Variants in GNA12 observed in about 807,000 individuals in gnomAD.
GNA12 encodes the protein G protein subunit alpha 12.
A neutral mutation model predicts 26.0 loss-of-function variants in GNA12; 9 were observed. That is an observed-to-expected ratio of 0.35 (90% CI 0.21 to 0.60). The LOEUF (loss-of-function observed/expected upper bound fraction) is 0.60. Ranked by LOEUF, GNA12 falls within the 20% of genes least tolerant of loss-of-function variation. GNA12 has a pLI of 0.78. For synonymous variants in GNA12, 264 were observed against 219.6 expected (o/e 1.20, Z -1.79); for missense variants, 405 against 525.8 (o/e 0.77, Z 2.25).
At position 2,729,660 on chromosome 7, in the gene GNA12, TC is replaced by T. The variant is rs1789789396; in HGVS notation, c.*1520del. 1 of 152,248 alleles carries T rather than the reference TC, an allele frequency of 6.6e-6. No individual in the cohort carries two copies. Among genetic ancestry groups the T allele is most frequent in the East Asian group, 1.9e-4 (1 of 5,312 alleles). 9.4% of individuals were successfully genotyped at this position (152,248 alleles called of 1,614,324 possible). A position where few individuals can be genotyped will look rare whatever the true frequency, so the allele number is the denominator to read the frequency against. ...GGTGAGCTGCAGAGGGGCTCGGGGC[TC>T]GGGGCAGCACGGCCTCGGGACGAGG... On this transcript the variant is annotated 3_prime_UTR_variant, in exon 4 of 4. Transcript: ENST00000275364.
At chr7:2,837,410 C>G (rs1379461177) in intron 1 of GNA12, among the ~76,000 whole-genome samples, 1 of 152,206 alleles carries the variant, frequency 6.6e-6, no homozygotes, top group African/African-American at 2.4e-5. Context: ...GAGAGAGGGA[C>G]TGAAATAGTC....
intron 1 of GNA12, among the ~76,000 whole-genome samples, chr7:2,811,627 G>C (rs766625173): frequency 2.0e-5 from 3 of 152,214 alleles, no homozygotes; most frequent in Non-Finnish European, 4.4e-5. Context: ...ATTTCGTAAG[G>C]TTGTAAAGAA....
intron 2 of GNA12, among the ~76,000 whole-genome samples, chr7:2,773,648 G>A (rs193229985): frequency 6.6e-6 from 1 of 152,322 alleles, no homozygotes; most frequent in East Asian, 1.9e-4. Context: ...AAGCACTGGT[G>A]ATGAGGTGGA....
intron 1 of GNA12, among the ~76,000 whole-genome samples, chr7:2,796,667 C>T (rs900333401): frequency 2.7e-4 from 41 of 152,206 alleles, no homozygotes; most frequent in African/African-American, 9.4e-4. Flanking sequence ...ACGTCACCAT[C>T]GTTTGTGATG....
chr7:2,758,938 C>A (rs1230146938), intron 2 of GNA12, among the ~76,000 whole-genome samples: 1 of 151,914 alleles, frequency 6.6e-6, no homozygotes, highest in African/African-American at 2.4e-5. Flanking sequence ...GTCAGGAGTT[C>A]GAGACCAGCC....
rs151043310 is a variant in GNA12, at chr7:2,835,635, G to A, written c.309+8218C>T. 133 of 815,760 alleles carry A rather than the reference G, an allele frequency of 1.6e-4. 1 individual carries two copies. The African/African-American group carries it at 2.1e-3, about 13-fold the overall frequency. The allele number at this position is 815,760 out of a possible 1,614,324, so 50.5% of individuals were successfully genotyped here. A position where few individuals can be genotyped will look rare whatever the true frequency, so the allele number is the denominator to read the frequency against. ...CCAGTCCCGAGATGGTGGCCACCAT[G>A]AAGAAGACGGCTGCAGAAGATGTCA... On this transcript the variant is annotated intron_variant, in intron 1 of 3. Coordinates refer to ENST00000275364, the MANE Select transcript of GNA12 (RefSeq NM_007353.3).
At chr7:2,796,054 G>C (rs550163461) in intron 1 of GNA12, among the ~76,000 whole-genome samples, 9 of 151,706 alleles carry the variant, frequency 5.9e-5, no homozygotes, top group African/African-American at 1.9e-4. Flanking sequence ...TAGTAGAGAG[G>C]GGGGTTCCAC....
In GNA12 at chr7:2,731,424, C is replaced by T. The variant is rs1789889026; in HGVS notation, c.903G>A (p.Leu301=). 1.9e-6 allele frequency: 3 copies of T among 1,613,388 alleles called. No individual in the cohort carries two copies. The highest frequency in any genetic ancestry group is 2.2e-5 in the East Asian group (1 of 44,862). Residue 301 remains leucine, a synonymous_variant, in exon 4 of 4, where the codon CTG becomes CTA. Coordinates refer to ENST00000275364, the MANE Select transcript of GNA12 (RefSeq NM_007353.3). The surrounding 1 kb of genome is among the most constrained non-coding windows in gnomAD (Gnocchi z 6.0). ...IILFLNKMDL[L]VEKVKTVSIK... Reference sequence around the variant, plus strand: ...TGCTCACGGTCTTCACCTTCTCCACCAGGAGGTCCATCTTGTTGAGGAAGA... The same window carrying T: ...TGCTCACGGTCTTCACCTTCTCCACTAGGAGGTCCATCTTGTTGAGGAAGA...
At chr7:2,772,307 A>G (rs903856286) in intron 2 of GNA12, among the ~76,000 whole-genome samples, 1 of 152,224 alleles carries the variant, frequency 6.6e-6, no homozygotes, top group African/African-American at 2.4e-5. Flanking sequence ...CACGCCTGTA[A>G]TCCCAGCACT....
At chr7:2,742,472 C>A (rs1306358826) in intron 2 of GNA12, among the ~76,000 whole-genome samples, 1 of 152,164 alleles carries the variant, frequency 6.6e-6, no homozygotes, top group Non-Finnish European at 1.5e-5. Flanking sequence ...CAACAAGAGC[C>A]CTGCTCCTGT....
At chr7:2,788,321 G>A (rs1292760051) in intron 2 of GNA12, among the ~76,000 whole-genome samples, 3 of 152,102 alleles carry the variant, frequency 2.0e-5, no homozygotes, top group Admixed American at 6.5e-5. Flanking sequence ...TGTCGCTGTG[G>A]CCAGGTAACT....
intron 1 of GNA12, among the ~76,000 whole-genome samples, chr7:2,824,624 G>A (rs575764654): frequency 3.1e-4 from 47 of 152,244 alleles, no homozygotes; most frequent in Non-Finnish European, 5.7e-4. Context: ...ATGTATCCCG[G>A]GCACTTGATA....
chr7:2,783,000 G>C (rs1006241188), intron 2 of GNA12, among the ~76,000 whole-genome samples: 2 of 152,108 alleles, frequency 1.3e-5, no homozygotes, highest in Non-Finnish European at 2.9e-5. Context: ...ACTTTAAATA[G>C]TGTCCAGTTT....
At chr7:2,780,048 GTACATATATATATA>G (rs1196856678) in intron 2 of GNA12, among the ~76,000 whole-genome samples, 4,697 of 84,690 alleles carry the variant, frequency 0.055, 201 homozygotes, top group East Asian at 0.067. Context: ...ACATTTCTGT[GTACATATATATATA>G]TATATATATA....
intron 2 of GNA12, among the ~76,000 whole-genome samples, chr7:2,742,817 TC>T (rs1486562318): frequency 2.6e-5 from 4 of 152,260 alleles, no homozygotes; most frequent in Non-Finnish European, 4.4e-5. Flanking sequence ...TTTAAACATT[TC>T]CCATTTTATA....
intron 1 of GNA12, among the ~76,000 whole-genome samples, chr7:2,819,237 T>C (rs1229859581): frequency 6.6e-6 from 1 of 152,168 alleles, no homozygotes; most frequent in Non-Finnish European, 1.5e-5. Context: ...GTCCTACAGC[T>C]GCAAGGACCT....
At chr7:2,740,392 C>T (rs1041364985) in intron 2 of GNA12, among the ~76,000 whole-genome samples, 6 of 152,256 alleles carry the variant, frequency 3.9e-5, no homozygotes, top group South Asian at 2.1e-4. Flanking sequence ...CCTCTCACTC[C>T]GTCCTATGTG....
At chr7:2,732,196 C>A (rs1172813100) in intron 3 of GNA12, among the ~76,000 whole-genome samples, 2 of 152,136 alleles carry the variant, frequency 1.3e-5, no homozygotes, top group African/African-American at 4.8e-5. Context: ...TTAGACAATT[C>A]TTTAAGTCTT....
At chr7:2,737,344 A>G (rs999293083) in intron 2 of GNA12, among the ~76,000 whole-genome samples, 1 of 122,472 alleles carries the variant, frequency 8.2e-6, no homozygotes, top group Admixed American at 1.1e-4. Context: ...GCTGGAGTGC[A>G]GTGGTGTGAT....
Sources: allele counts gnomAD v4.1 joint callset (sites outside exome capture counted in the v4.1 genomes callset), GRCh38; gene constraint gnomAD v4.1.1; non-coding constraint Gnocchi (gnomAD v3.1); transcripts MANE v1.5; gene names NCBI Gene and HGNC (gene_info 2026-07-23, HGNC 2026-07-21).